Variants in C10orf67 observed in about 807,000 individuals in gnomAD.
C10orf67 encodes uncharacterized protein C10orf67, mitochondrial.
C10orf67 carries 60 observed loss-of-function variants against 35.6 expected under a neutral mutation model. The ratio of observed to expected loss-of-function variants is 1.68; its 90% CI spans 1.37 to 2.09. The LOEUF (loss-of-function observed/expected upper bound fraction) is 2.09. Among genes scored for constraint, C10orf67 ranks in the 30% most tolerant of loss-of-function variants. The probability of loss-of-function intolerance (pLI) is 0.00; values close to 1 mark genes in which losing one functional copy is unlikely to be tolerated. For synonymous variants in C10orf67, 167 were observed against 115.8 expected, an observed-to-expected ratio of 1.44 and a Z score of -2.84; for missense variants, 474 against 330.2, an observed-to-expected ratio of 1.44 and a Z score of -3.38.
At chr10:23,298,233 C>T (rs570732371) in intron 5 of C10orf67, among the ~76,000 whole-genome samples, 13 of 151,828 alleles carry the variant, frequency 8.6e-5, no homozygotes, top group East Asian at 1.9e-4. Flanking sequence ...CCAGCCTGGG[C>T]GACAGAGTGA....
intron 15 of C10orf67, among the ~76,000 whole-genome samples, chr10:23,213,979 T>C (rs1218998877): frequency 6.6e-6 from 1 of 151,708 alleles, no homozygotes; most frequent in Non-Finnish European, 1.5e-5. Flanking sequence ...TAAAAGATCA[T>C]AAAAATATTG....
Position 23,333,705 on chromosome 10 carries a change from C to A in C10orf67, c.207-523G>T, listed in dbSNP as rs150954122. On this transcript the variant is annotated intron_variant, in intron 1 of 15. Coordinates refer to ENST00000636213, the MANE Select transcript of C10orf67 (RefSeq NM_001371909.1). ...AGTTTTCCAGAGGCTACAGATTATA[C>A]AGAAGCAGCTATGAGAATTCAGCTC... is the stretch of plus-strand genomic sequence containing the variant. 1.6e-3 allele frequency among the ~76,000 whole-genome samples: 242 copies of A among 152,290 alleles called. No individual in the cohort carries two copies. The Middle Eastern group carries it at 0.017, about 11-fold the overall frequency.
intron 10 of C10orf67, among the ~76,000 whole-genome samples, chr10:23,260,488 G>A (rs1326946883): frequency 6.6e-6 from 1 of 152,140 alleles, no homozygotes; most frequent in Non-Finnish European, 1.5e-5. Context: ...ACTGTGACAA[G>A]TATATCAATT....
At chr10:23,295,808 C>A (rs577607922) in intron 5 of C10orf67, among the ~76,000 whole-genome samples, 2 of 152,158 alleles carry the variant, frequency 1.3e-5, no homozygotes, top group Non-Finnish European at 2.9e-5. Context: ...ATTGAATGTG[C>A]TTCCTAGTCC....
intron 8 of C10orf67, among the ~76,000 whole-genome samples, chr10:23,278,092 C>T (rs1290629615): frequency 1.3e-5 from 2 of 152,210 alleles, no homozygotes; most frequent in African/African-American, 2.4e-5. Flanking sequence ...GAGAAATCTG[C>T]CCGCATGATA....
intron 3 of C10orf67, among the ~76,000 whole-genome samples, chr10:23,321,376 G>T (rs565019119): frequency 6.6e-6 from 1 of 152,250 alleles, no homozygotes; most frequent in South Asian, 2.1e-4. Flanking sequence ...AAAAAAATTT[G>T]TTTTTTAATT....
chr10:23,322,366 A>G (rs1306119193), intron 3 of C10orf67, 28 bp downstream of exon 3: 3 of 1,599,406 alleles, frequency 1.9e-6, no homozygotes, highest in Non-Finnish European at 2.6e-6. Context: ...CAATCCACAT[A>G]AAACAAAAGA....
At chr10:23,336,900 T>C (rs1845707327) in intron 1 of C10orf67, among the ~76,000 whole-genome samples, 1 of 152,112 alleles carries the variant, frequency 6.6e-6, no homozygotes. Flanking sequence ...GGAATAAAAG[T>C]ATATAAAATT....
At chr10:23,294,728 T>C (rs1206498630) in intron 5 of C10orf67, among the ~76,000 whole-genome samples, 1 of 152,244 alleles carries the variant, frequency 6.6e-6, no homozygotes, top group African/African-American at 2.4e-5. Flanking sequence ...TATTTCACTT[T>C]TTTTTTCAAC....
chr10:23,236,871 C>T (rs1448865327), intron 13 of C10orf67, among the ~76,000 whole-genome samples: 2 of 151,978 alleles, frequency 1.3e-5, no homozygotes, highest in Non-Finnish European at 1.5e-5. Context: ...TGCAAGACTC[C>T]GTCTCAAAAC....
At chr10:23,241,168 C>T (rs1842167584) in intron 12 of C10orf67, among the ~76,000 whole-genome samples, 1 of 152,202 alleles carries the variant, frequency 6.6e-6, no homozygotes, top group African/African-American at 2.4e-5. Flanking sequence ...TCCCCTTCTA[C>T]TTTCTCCCCT....
At chr10:23,312,486 C>T (rs1844534936) in intron 4 of C10orf67, among the ~76,000 whole-genome samples, 1 of 152,152 alleles carries the variant, frequency 6.6e-6, no homozygotes, top group Admixed American at 6.5e-5. Context: ...GAGTTGGCTA[C>T]TCCTCCAAAA....
intron 1 of C10orf67, among the ~76,000 whole-genome samples, chr10:23,333,713 G>A (rs992972786): frequency 6.6e-6 from 1 of 152,212 alleles, no homozygotes; most frequent in Admixed American, 6.5e-5. Flanking sequence ...TACAGAAGCA[G>A]CTATGAGAAT....
At chr10:23,339,402 CAA>C (rs34805547) in intron 1 of C10orf67, among the ~76,000 whole-genome samples, 61 of 72,320 alleles carry the variant, frequency 8.4e-4, no homozygotes, top group African/African-American at 2.1e-3. Flanking sequence ...AAAAAGGCAG[CAA>C]AAAAAAAAAA....
At chr10:23,343,568 T>C (rs1277124344) in intron 1 of C10orf67, among the ~76,000 whole-genome samples, 2 of 152,148 alleles carry the variant, frequency 1.3e-5, no homozygotes, top group Non-Finnish European at 1.5e-5. Context: ...CTATGATCTA[T>C]GAAGCAGGCA....
intron 1 of C10orf67, 141 bp downstream of exon 1, chr10:23,344,428 C>T (rs1357781872): frequency 1.2e-6 from 1 of 843,492 alleles, no homozygotes; most frequent in Non-Finnish European, 1.8e-6. Context: ...CTCAAGGCTT[C>T]CCCACAAGAC....
chr10:23,326,685 C>T (rs139952847), intron 2 of C10orf67, among the ~76,000 whole-genome samples: 4 of 152,186 alleles, frequency 2.6e-5, no homozygotes, highest in East Asian at 1.9e-4. Flanking sequence ...AGATGCAATA[C>T]GTATGATACT....
chr10:23,344,064 G>C, intron 1 of C10orf67: 1 of 286,506 alleles, frequency 3.5e-6, no homozygotes, highest in Non-Finnish European at 7.6e-6. Flanking sequence ...TCGGGAACCC[G>C]GCGTCCGTTG....
At chr10:23,312,933 C>T (rs537106038) in intron 4 of C10orf67, among the ~76,000 whole-genome samples, 2 of 152,312 alleles carry the variant, frequency 1.3e-5, no homozygotes, top group Admixed American at 6.5e-5. Context: ...CAAGCTATAA[C>T]ATCAAGTCTT....
Sources: gnomAD v4.1 joint callset for allele counts (sites outside exome capture counted in the v4.1 genomes callset) on GRCh38, gnomAD v4.1.1 for gene constraint, MANE v1.5 for transcripts, NCBI Gene and HGNC (gene_info 2026-07-23, HGNC 2026-07-21) for gene names.